The following NKAIN3 variants were observed in gnomAD, a reference collection of about 807,000 sequenced individuals.
The protein encoded by NKAIN3 is sodium/potassium-transporting ATPase subunit beta-1-interacting protein 3.
Under a neutral mutation model 30.2 loss-of-function variants are expected in NKAIN3, and 25 were observed. That is an observed-to-expected ratio of 0.83 (90% confidence interval 0.60 to 1.16). The LOEUF (loss-of-function observed/expected upper bound fraction) is 1.16. Ranked by LOEUF, NKAIN3 falls within the 50% of genes most tolerant of loss-of-function variation. NKAIN3 has a pLI of 0.00. For synonymous variants in NKAIN3, 91 were observed against 89.6 expected (o/e 1.02, Z -0.09); for missense variants, 225 against 254.1 (o/e 0.89, Z 0.78).
At chr8:62,291,352 C>T (rs963939267) in intron 1 of NKAIN3, among the ~76,000 whole-genome samples, 3 of 152,138 alleles carry the variant, frequency 2.0e-5, no homozygotes, top group African/African-American at 7.2e-5. Context: ...TTACATCTTT[C>T]CTGCTTTCTC....
At chr8:62,578,706 G>C (rs1158645750) in intron 1 of NKAIN3, among the ~76,000 whole-genome samples, 1 of 151,932 alleles carries the variant, frequency 6.6e-6, no homozygotes, top group Non-Finnish European at 1.5e-5. Flanking sequence ...CACAAGCCTG[G>C]AGTTCTTTGT....
chr8:62,748,187 C>T (rs1465253497), intron 4 of NKAIN3, among the ~76,000 whole-genome samples: 2 of 152,086 alleles, frequency 1.3e-5, no homozygotes, highest in African/African-American at 4.8e-5. Flanking sequence ...ATAAGGTCAC[C>T]CATATAAACT....
At chr8:62,963,687 A>G (rs1401052396) in intron 6 of NKAIN3, among the ~76,000 whole-genome samples, 2 of 152,158 alleles carry the variant, frequency 1.3e-5, no homozygotes, top group East Asian at 1.9e-4. Flanking sequence ...CCCTGTTAAC[A>G]TGCCAAGGAG....
chr8:62,989,198 C>T (rs1246906570), downstream of NKAIN3, among the ~76,000 whole-genome samples: 1 of 152,180 alleles, frequency 6.6e-6, no homozygotes, highest in Non-Finnish European at 1.5e-5. Context: ...CAAACTGTTC[C>T]ACCTGTTACC....
rs1487134439 is a variant in NKAIN3 at position 62,967,052 on chromosome 8, A to G, written c.*1645A>G. On this transcript the variant is annotated 3_prime_UTR_variant, in exon 7 of 7. Transcript: ENST00000623646. ...CCTCCAGATTTTACCCCTTTAATCC[A>G]TTGGTACCCACAAACTCCCATTACT... Among the ~76,000 whole-genome samples the G allele has an allele frequency of 6.6e-6, 1 of 152,218 alleles. No individual in the cohort carries two copies. The highest frequency in any genetic ancestry group is 1.5e-5 in the Non-Finnish European group (1 of 68,034).
chr8:62,961,110 T>C (rs534089156), intron 6 of NKAIN3, among the ~76,000 whole-genome samples: 4 of 152,128 alleles, frequency 2.6e-5, no homozygotes, highest in East Asian at 3.9e-4. Context: ...TGAAGCCTTG[T>C]CTCCACCAAA....
chr8:62,734,532 A>G (rs1815586981), intron 3 of NKAIN3, among the ~76,000 whole-genome samples: 1 of 152,194 alleles, frequency 6.6e-6, no homozygotes, highest in Non-Finnish European at 1.5e-5. Context: ...CTGATAAGTC[A>G]GGAAGAATGC....
rs900937567 is a variant in NKAIN3, at chr8:62,856,782, A to G, written c.472-61671A>G. The G allele has an allele frequency of 9.3e-6, 6 of 646,154 alleles. No homozygotes were observed. In the African/African-American group the frequency reaches 1.1e-4, roughly 12 times the overall value. The allele number at this position is 646,154 out of a possible 1,614,324, so 40.0% of individuals were successfully genotyped here. A position where few individuals can be genotyped will look rare whatever the true frequency, so the allele number is the denominator to read the frequency against. ...ACCTGGCTTATCCAACTCCTGTAAG[A>G]TGTAAATATTTCACTGAATCTTTGT... On this transcript the variant is annotated intron_variant, in intron 4 of 6. Transcript: ENST00000623646.
chr8:62,250,074 AT>A (rs567202261), intron 1 of NKAIN3, among the ~76,000 whole-genome samples: 2 of 151,960 alleles, frequency 1.3e-5, no homozygotes, highest in Non-Finnish European at 2.9e-5. Flanking sequence ...CAAGCATTGT[AT>A]TTTTTTTCGA....
chr8:62,598,765 G>A (rs1016144749), intron 3 of NKAIN3, among the ~76,000 whole-genome samples: 4 of 152,068 alleles, frequency 2.6e-5, no homozygotes, highest in Non-Finnish European at 5.9e-5. Flanking sequence ...GGAGGCAGGA[G>A]GACTGGGTTT....
intron 3 of NKAIN3, among the ~76,000 whole-genome samples, chr8:62,723,702 A>C (rs1376188941): frequency 6.6e-6 from 1 of 152,176 alleles, no homozygotes; most frequent in African/African-American, 2.4e-5. Context: ...GAATACTTAA[A>C]GCATCCCTTA....
intron 1 of NKAIN3, among the ~76,000 whole-genome samples, chr8:62,576,006 A>G (rs187020603): frequency 1.7e-4 from 26 of 152,238 alleles, no homozygotes; most frequent in Middle Eastern, 3.4e-3. Context: ...CTCAAACTAT[A>G]AAACTACTAG....
intron 1 of NKAIN3, among the ~76,000 whole-genome samples, chr8:62,430,402 TG>T (rs1804957976): frequency 6.7e-6 from 1 of 149,392 alleles, no homozygotes; most frequent in East Asian, 2.0e-4. Context: ...TGTGTGTGTG[TG>T]TGTGGATGGG....
intron 3 of NKAIN3, among the ~76,000 whole-genome samples, chr8:62,691,527 A>G (rs1170635493): frequency 6.6e-6 from 1 of 152,198 alleles, no homozygotes; most frequent in Non-Finnish European, 1.5e-5. Context: ...TAACATAACT[A>G]CAATGTTGTT....
chr8:62,566,373 C>T (rs1380132899), intron 1 of NKAIN3, among the ~76,000 whole-genome samples: 1 of 152,014 alleles, frequency 6.6e-6, no homozygotes, highest in Non-Finnish European at 1.5e-5. Context: ...AGAGTAAGAA[C>T]TAACTCCTCC....
chr8:62,292,355 T>C (rs192404029), intron 1 of NKAIN3, among the ~76,000 whole-genome samples: 1,605 of 152,278 alleles, frequency 0.011, 26 homozygotes, highest in African/African-American at 0.035. Context: ...ATTTTGCATG[T>C]TTTTGCAGTG....
intron 6 of NKAIN3, among the ~76,000 whole-genome samples, chr8:62,954,766 C>G (rs1823376737): frequency 6.6e-6 from 1 of 152,204 alleles, no homozygotes; most frequent in African/African-American, 2.4e-5. Context: ...CATGAAAACA[C>G]TGCAATGTGC....
At chr8:62,915,140 G>T (rs753024080) in intron 4 of NKAIN3, among the ~76,000 whole-genome samples, 1 of 152,146 alleles carries the variant, frequency 6.6e-6, no homozygotes, top group Non-Finnish European at 1.5e-5. Flanking sequence ...AACCTGCTGC[G>T]AGTCTAAATA....
chr8:62,626,440 A>T (rs1029160102), intron 3 of NKAIN3, among the ~76,000 whole-genome samples: 2 of 152,126 alleles, frequency 1.3e-5, no homozygotes, highest in Non-Finnish European at 2.9e-5. Flanking sequence ...CTAAAAAAGC[A>T]TCAGAGGCAT....
Sources: allele counts gnomAD v4.1 joint callset (sites outside exome capture counted in the v4.1 genomes callset), GRCh38; gene constraint gnomAD v4.1.1; transcripts MANE v1.5; gene names NCBI Gene and HGNC (gene_info 2026-07-23, HGNC 2026-07-21).